Variants in BOD1 observed in about 807,000 individuals in gnomAD.
The protein encoded by BOD1 is biorientation of chromosomes in cell division protein 1.
In BOD1, 11 loss-of-function variants were observed where a neutral mutation model predicts 15.7. The ratio of observed to expected loss-of-function variants is 0.70; its 90% CI spans 0.44 to 1.16. BOD1 has a LOEUF of 1.16. BOD1 is among the 50% of genes most tolerant of loss of function. BOD1 has a pLI of 0.00. For missense variants in BOD1, 182 were observed against 244.5 expected, an observed-to-expected ratio of 0.74 and a Z score of 1.70; for synonymous variants, 105 against 103.5, an observed-to-expected ratio of 1.01 and a Z score of -0.09.
Position 173,608,128 on chromosome 5 carries a change from A to G in BOD1, c.*166T>C. 3.8e-6 allele frequency: 3 copies of G among 789,192 alleles called. No individual in the cohort carries two copies. The highest frequency in any genetic ancestry group is 6.5e-6 in the Non-Finnish European group (3 of 460,432). 48.9% of individuals were successfully genotyped at this position (789,192 alleles called of 1,614,324 possible). A position where few individuals can be genotyped will look rare whatever the true frequency, so the allele number is the denominator to read the frequency against. On this transcript the variant is annotated 3_prime_UTR_variant, in exon 4 of 4. Coordinates refer to ENST00000311086, the MANE Select transcript of BOD1 (RefSeq NM_138369.3). Reference sequence around the variant, plus strand: ...AGGGGGTGACACGGTCAACTCTCCCACTGCCGAACTTGCTCCCCTTTCAAT... The same window carrying G: ...AGGGGGTGACACGGTCAACTCTCCCGCTGCCGAACTTGCTCCCCTTTCAAT...
rs1755401355 is a variant in BOD1 at position 173,613,199 on chromosome 5, G to GT, written c.293dup (p.Asp98GlufsTer45). 6.2e-7 allele frequency: 1 copy of GT among 1,614,024 alleles called. No homozygotes were observed. The highest frequency in any genetic ancestry group is 1.7e-5 in the Admixed American group (1 of 60,004). On this transcript the variant is annotated frameshift_variant, in exon 2 of 4. Transcript: ENST00000311086. LOFTEE classifies it high-confidence loss of function. ...TCATCGTAGGATTCCATTCCTGCTT[G>GT]TCCAGATGTGTTGACACAAAATTAT... is the stretch of plus-strand genomic sequence containing the variant.
At chr5:173,611,197 A>G (rs1487131732) in intron 2 of BOD1, among the ~76,000 whole-genome samples, 1 of 152,248 alleles carries the variant, frequency 6.6e-6, no homozygotes, top group East Asian at 1.9e-4. Context: ...CCAATGTACA[A>G]GATGGAAAAA....
chr5:173,614,494 C>G (rs756410461), intron 1 of BOD1, among the ~76,000 whole-genome samples: 1 of 152,198 alleles, frequency 6.6e-6, no homozygotes, highest in Non-Finnish European at 1.5e-5. Flanking sequence ...AAGTAAATTA[C>G]AGTGCAAAGT....
At chr5:173,610,010 A>T (rs982928363) in intron 2 of BOD1, among the ~76,000 whole-genome samples, 1 of 152,214 alleles carries the variant, frequency 6.6e-6, no homozygotes, top group Non-Finnish European at 1.5e-5. Flanking sequence ...GCAAACAAGA[A>T]ATAGACAAAC....
At chr5:173,613,921 AG>A (rs1162176947) in intron 1 of BOD1, among the ~76,000 whole-genome samples, 1 of 152,232 alleles carries the variant, frequency 6.6e-6, no homozygotes, top group African/African-American at 2.4e-5. Flanking sequence ...GGTAGGGCAG[AG>A]GGTGCCACAG....
At chr5:173,608,976 C>A (rs976390596) in intron 3 of BOD1, among the ~76,000 whole-genome samples, 2 of 152,196 alleles carry the variant, frequency 1.3e-5, no homozygotes. Flanking sequence ...TTTATGCACA[C>A]CAATCATCCC....
intron 3 of BOD1, 91 bp from the exon 4 acceptor site, chr5:173,608,383 A>C: frequency 9.6e-7 from 1 of 1,038,996 alleles, no homozygotes; most frequent in South Asian, 1.3e-5. Flanking sequence ...ACAATTAAAA[A>C]GAAAGACTTA....
chr5:173,611,757 C>A (rs1374544390), intron 2 of BOD1, among the ~76,000 whole-genome samples: 4 of 152,164 alleles, frequency 2.6e-5, no homozygotes, highest in Admixed American at 2.6e-4. Context: ...ACAATTCCTA[C>A]TAAAGAAATG....
At chr5:173,611,874 T>C (rs1755363771) in intron 2 of BOD1, among the ~76,000 whole-genome samples, 1 of 152,184 alleles carries the variant, frequency 6.6e-6, no homozygotes, top group Admixed American at 6.5e-5. Flanking sequence ...TTCCAAATAT[T>C]TCAGAATGTT....
intron 2 of BOD1, among the ~76,000 whole-genome samples, chr5:173,610,758 C>G (rs944683687): frequency 6.6e-6 from 1 of 152,218 alleles, no homozygotes; most frequent in Non-Finnish European, 1.5e-5. Flanking sequence ...CTGTGTCCCC[C>G]AGACTTCCTA....
chr5:173,615,105 T>C (rs968048272), intron 1 of BOD1, among the ~76,000 whole-genome samples: 1 of 152,238 alleles, frequency 6.6e-6, no homozygotes, highest in South Asian at 2.1e-4. Context: ...AGATCTGGGA[T>C]GTATATGTAT....
chr5:173,616,174 C>A lies in BOD1; in HGVS notation c.237+26G>T. The stretch of plus-strand genomic sequence containing the variant: ...GGCGGCCTCACGTGCAGCCCCGCTC[C>A]CCAACGCCCAGGCGGCCGCAGCTAC... On this transcript the variant is annotated intron_variant, in intron 1 of 3. Coordinates refer to ENST00000311086, the MANE Select transcript of BOD1 (RefSeq NM_138369.3). 1 of 1,565,356 alleles carries A rather than the reference C, an allele frequency of 6.4e-7. No homozygotes were observed.
At chr5:173,613,073 T>C (rs184696825) in intron 2 of BOD1, 58 bp downstream of exon 2, 2 of 1,592,320 alleles carry the variant, frequency 1.3e-6, no homozygotes, top group African/African-American at 1.4e-5. Context: ...CTCAACCTTC[T>C]TGTGCATCAC....
chr5:173,612,028 C>A (rs935800194), intron 2 of BOD1, among the ~76,000 whole-genome samples: 3 of 152,232 alleles, frequency 2.0e-5, no homozygotes, highest in African/African-American at 7.2e-5. Context: ...CTACTGTCCC[C>A]TTCTTTCTGA....
At chr5:173,613,880 T>C (rs1361941765) in intron 1 of BOD1, among the ~76,000 whole-genome samples, 2 of 152,368 alleles carry the variant, frequency 1.3e-5, no homozygotes, top group East Asian at 1.9e-4. Flanking sequence ...TAACGCCTTC[T>C]TTCTAGTAAC....
chr5:173,607,179 C>T lies in BOD1; in HGVS notation c.*1115G>A, dbSNP rs953921504. On this transcript the variant is annotated 3_prime_UTR_variant, in exon 4 of 4. Transcript: ENST00000311086. ...ATGTTCAGAGGCCTGGCAGCATCAG[C>T]ATCACCTGGCAGCTTGTCAGAAACA... is the stretch of plus-strand genomic sequence containing the variant. 6.6e-6 allele frequency among the ~76,000 whole-genome samples: 1 copy of T among 152,216 alleles called. No homozygotes were observed. Among genetic ancestry groups the T allele is most frequent in the Non-Finnish European group, 1.5e-5 (1 of 68,036 alleles).
At chr5:173,611,664 G>T (rs138941298) in intron 2 of BOD1, among the ~76,000 whole-genome samples, 1 of 152,228 alleles carries the variant, frequency 6.6e-6, no homozygotes, top group Non-Finnish European at 1.5e-5. Context: ...TGTTTCGGGG[G>T]TGTGAGTCCA....
chr5:173,608,881 A>G (rs984240968), intron 3 of BOD1, among the ~76,000 whole-genome samples: 2 of 152,226 alleles, frequency 1.3e-5, no homozygotes, highest in Non-Finnish European at 2.9e-5. Context: ...TTGATTTTAA[A>G]TAAAATTGCA....
At chr5:173,613,361 T>G in intron 1 of BOD1, 106 bp from the exon 2 acceptor site, 2 of 1,337,442 alleles carry the variant, frequency 1.5e-6, no homozygotes, top group East Asian at 2.4e-5. Flanking sequence ...TAAGTCTAAA[T>G]ACACTTCCAC....
Sources: gnomAD v4.1 joint callset for allele counts (sites outside exome capture counted in the v4.1 genomes callset) on GRCh38, gnomAD v4.1.1 for gene constraint, MANE v1.5 for transcripts, NCBI Gene and HGNC (gene_info 2026-07-23, HGNC 2026-07-21) for gene names.